The following MRPS28 variants were observed in gnomAD, a reference collection of about 807,000 sequenced individuals.
The protein encoded by MRPS28 is mitochondrial ribosomal protein S28.
MRPS28 carries 7 observed loss-of-function variants against 10.8 expected under a neutral mutation model. The ratio of observed to expected loss-of-function variants is 0.65; its 90% confidence interval spans 0.37 to 1.22. The LOEUF is 1.22. Among genes scored for constraint, MRPS28 ranks in the 50% most tolerant of loss-of-function variants. The pLI is 0.02. For missense variants in MRPS28, 265 were observed against 232.9 expected (o/e 1.14, Z -0.90); for synonymous variants, 121 against 93.3 (o/e 1.30, Z -1.71).
intron 2 of MRPS28, among the ~76,000 whole-genome samples, chr8:79,975,032 C>T (rs1471242496): frequency 6.6e-6 from 1 of 152,122 alleles, no homozygotes; most frequent in Non-Finnish European, 1.5e-5. Flanking sequence ...CACGTATAAT[C>T]CCAGCACTTT....
intron 2 of MRPS28, among the ~76,000 whole-genome samples, chr8:79,924,300 C>T (rs890226920): frequency 1.3e-5 from 2 of 152,058 alleles, no homozygotes; most frequent in Admixed American, 6.6e-5. Context: ...GAAAAGTTTC[C>T]ATTTTCTCTT....
chr8:79,932,787 C>A (rs886255028), intron 2 of MRPS28, among the ~76,000 whole-genome samples: 1 of 152,204 alleles, frequency 6.6e-6, no homozygotes, highest in African/African-American at 2.4e-5. Flanking sequence ...ACATTCCCGG[C>A]AGCCAGATCT....
chr8:80,018,618 C>T (rs1563544569), intron 1 of MRPS28, among the ~76,000 whole-genome samples: 1 of 152,144 alleles, frequency 6.6e-6, no homozygotes, highest in East Asian at 1.9e-4. Flanking sequence ...AATAGAGCCA[C>T]CATATGATCC....
chr8:80,000,450 T>C (rs776313426), intron 2 of MRPS28, among the ~76,000 whole-genome samples: 1 of 152,294 alleles, frequency 6.6e-6, no homozygotes, highest in Non-Finnish European at 1.5e-5. Context: ...AGAATTTACT[T>C]GCAAAATTAC....
intron 1 of MRPS28, among the ~76,000 whole-genome samples, chr8:80,004,695 AGAAG>A (rs2130169579): frequency 6.6e-6 from 1 of 152,336 alleles, no homozygotes; most frequent in South Asian, 2.1e-4. Context: ...TCTAAGCTAA[AGAAG>A]GAAGTCAGAA....
At chr8:80,029,587 T>C (rs1809592056) in intron 1 of MRPS28, among the ~76,000 whole-genome samples, 1 of 152,178 alleles carries the variant, frequency 6.6e-6, no homozygotes, top group Admixed American at 6.5e-5. Context: ...ACCCAGTCAT[T>C]AAATTAACAA....
intron 1 of MRPS28, among the ~76,000 whole-genome samples, chr8:80,013,971 C>T (rs1050199343): frequency 3.3e-5 from 5 of 152,048 alleles, no homozygotes; most frequent in Non-Finnish European, 7.4e-5. Flanking sequence ...AAATTATAAA[C>T]TCTCAATATT....
chr8:79,982,739 C>A (rs1046123806), intron 2 of MRPS28, among the ~76,000 whole-genome samples: 1 of 152,178 alleles, frequency 6.6e-6, no homozygotes. Flanking sequence ...CCCAGGCTTG[C>A]TTAGGTAAAC....
At chr8:79,948,904 T>C (rs948676538) in intron 2 of MRPS28, among the ~76,000 whole-genome samples, 2 of 152,180 alleles carry the variant, frequency 1.3e-5, no homozygotes, top group Admixed American at 6.5e-5. Context: ...GTTCATAAGG[T>C]GTATTGGTCT....
Position 80,005,055 on chromosome 8 carries a change from G to A in MRPS28, c.214-1875C>T, listed in dbSNP as rs538681753. Among the ~76,000 whole-genome samples, 856 of 152,312 alleles carry A rather than the reference G, an allele frequency of 5.6e-3. 10 individuals are homozygous for A. Among genetic ancestry groups the A allele is most frequent in the African/African-American group, 0.02 (824 of 41,564 alleles). On this transcript the variant is annotated intron_variant, in intron 1 of 2. Coordinates refer to ENST00000276585, the MANE Select transcript of MRPS28 (RefSeq NM_014018.3). ...GGGGAGAATGGAACCAAGTTGGAAA[G>A]CACTCTTCAGGATATTATCCAGGAG...
intron 2 of MRPS28, among the ~76,000 whole-genome samples, chr8:79,994,524 A>G (rs1307567054): frequency 6.6e-6 from 1 of 152,100 alleles, no homozygotes; most frequent in Non-Finnish European, 1.5e-5. Flanking sequence ...AACCACAACT[A>G]TTCAGTCACC....
intron 2 of MRPS28, among the ~76,000 whole-genome samples, chr8:79,958,737 A>G (rs759747245): frequency 1.3e-5 from 2 of 152,168 alleles, no homozygotes; most frequent in Non-Finnish European, 2.9e-5. Flanking sequence ...CAACACAACA[A>G]ACACTGGATT....
Position 79,918,858 on chromosome 8 carries a change from TCTATA to T in MRPS28, c.*117_*121del. On this transcript the variant is annotated 3_prime_UTR_variant, in exon 3 of 3. Coordinates refer to ENST00000276585, the MANE Select transcript of MRPS28 (RefSeq NM_014018.3). ...CTAAAGAAAATTCTAATAAGAGTTA[TCTATA>T]ATTATAGCTTTTATTTATTATATCT... The T allele has an allele frequency of 4.1e-6, 3 of 724,124 alleles. No homozygotes were observed. Among genetic ancestry groups the T allele is most frequent in the Non-Finnish European group, 6.0e-6 (3 of 500,058 alleles). 44.9% of individuals were successfully genotyped at this position (724,124 alleles called of 1,614,324 possible).
At chr8:79,997,950 G>A (rs908085719) in intron 2 of MRPS28, among the ~76,000 whole-genome samples, 1 of 151,882 alleles carries the variant, frequency 6.6e-6, no homozygotes, top group African/African-American at 2.4e-5. Flanking sequence ...AGCTACTCAG[G>A]AGGCTGAGGC....
intron 2 of MRPS28, among the ~76,000 whole-genome samples, chr8:79,928,144 C>T (rs1037275800): frequency 1.2e-4 from 18 of 151,606 alleles, no homozygotes; most frequent in African/African-American, 4.4e-4. Flanking sequence ...GTCAACACAG[C>T]GAGCCCTTTT....
chr8:79,930,047 A>G (rs1806421548), intron 2 of MRPS28, among the ~76,000 whole-genome samples: 1 of 152,212 alleles, frequency 6.6e-6, no homozygotes, highest in South Asian at 2.1e-4. Flanking sequence ...CATGAAGTAC[A>G]ACACTCTCAG....
intron 2 of MRPS28, among the ~76,000 whole-genome samples, chr8:79,928,434 T>G (rs1347064000): frequency 2.0e-5 from 3 of 151,344 alleles, no homozygotes; most frequent in Non-Finnish European, 2.9e-5. Context: ...CACCCCCAAT[T>G]TGGAGTATAT....
intron 2 of MRPS28, among the ~76,000 whole-genome samples, chr8:79,952,414 A>G (rs12675564): frequency 0.76 from 115,117 of 152,112 alleles, 43,737 homozygotes; most frequent in East Asian, 0.86. Flanking sequence ...GAGTAAGAAC[A>G]AACATAAAAA....
At chr8:79,939,594 A>G (rs1806704549) in intron 2 of MRPS28, among the ~76,000 whole-genome samples, 3 of 152,128 alleles carry the variant, frequency 2.0e-5, no homozygotes, top group Admixed American at 2.0e-4. Context: ...CCTCCCTAGT[A>G]CCTGCCTCAA....
Sources: gnomAD v4.1 joint callset for allele counts (sites outside exome capture counted in the v4.1 genomes callset) on GRCh38, gnomAD v4.1.1 for gene constraint, MANE v1.5 for transcripts, NCBI Gene and HGNC (gene_info 2026-07-23, HGNC 2026-07-21) for gene names.